BABAM2: variants seen among roughly 807,000 people sequenced by gnomAD.
BABAM2 encodes the protein BRISC and BRCA1-A complex member 2.
BABAM2 carries 31 observed loss-of-function variants against 54.7 expected under a neutral mutation model. The ratio of observed to expected loss-of-function variants is 0.57; its 90% CI spans 0.43 to 0.77. BABAM2 has a LOEUF of 0.77. BABAM2 is among the 30% of genes least tolerant of loss of function. BABAM2 has a pLI of 0.00. For synonymous variants in BABAM2, 167 were observed against 162.9 expected, an observed-to-expected ratio of 1.03 and a Z score of -0.19; for missense variants, 364 against 455.8, an observed-to-expected ratio of 0.80 and a Z score of 1.83.
chr2:28,189,199 C>CA (rs78120565), intron 7 of BABAM2, among the ~76,000 whole-genome samples: 4,277 of 136,394 alleles, frequency 0.031, 95 homozygotes, highest in African/African-American at 0.061. Context: ...GACTCCCTCT[C>CA]AAAAAAAAAA....
intron 7 of BABAM2, among the ~76,000 whole-genome samples, chr2:28,203,883 C>T (rs978266288): frequency 2.0e-5 from 3 of 152,174 alleles, no homozygotes; most frequent in Admixed American, 2.0e-4. Flanking sequence ...CCAGATTGCC[C>T]TTCCGGAAAG....
At chr2:28,300,170 C>T (rs537266175) in intron 11 of BABAM2, among the ~76,000 whole-genome samples, 32 of 152,226 alleles carry the variant, frequency 2.1e-4, no homozygotes, top group Non-Finnish European at 4.3e-4. Flanking sequence ...GACTCCTGAC[C>T]TCAGGTGATC....
intron 6 of BABAM2, among the ~76,000 whole-genome samples, chr2:28,051,144 A>T (rs1677967806): frequency 2.0e-5 from 3 of 152,156 alleles, no homozygotes; most frequent in African/African-American, 7.2e-5. Context: ...TCTCAAAATG[A>T]GTAGTACTTA....
At chr2:27,929,496 G>C (rs555592229) in intron 2 of BABAM2, among the ~76,000 whole-genome samples, 1 of 152,314 alleles carries the variant, frequency 6.6e-6, no homozygotes, top group Admixed American at 6.5e-5. Flanking sequence ...TTATTTTACA[G>C]TTCTTGGCAT....
At chr2:27,931,845 GC>G (rs542601531) in intron 3 of BABAM2, among the ~76,000 whole-genome samples, 67 of 152,056 alleles carry the variant, frequency 4.4e-4, no homozygotes, top group Admixed American at 7.9e-4. Flanking sequence ...ATTAGCCCCT[GC>G]CCTTCCTTCA....
intron 6 of BABAM2, among the ~76,000 whole-genome samples, chr2:28,068,283 A>G (rs1322026071): frequency 6.6e-6 from 1 of 152,180 alleles, no homozygotes; most frequent in Non-Finnish European, 1.5e-5. Flanking sequence ...TTTACAACCT[A>G]CATATGTAGC....
intron 11 of BABAM2, among the ~76,000 whole-genome samples, chr2:28,311,254 C>G (rs1282041597): frequency 8.0e-6 from 1 of 125,774 alleles, no homozygotes; most frequent in Admixed American, 8.7e-5. Flanking sequence ...GAATGAGACC[C>G]TGTCTCAAAA....
At chr2:28,139,743 G>A (rs1670882501) in intron 7 of BABAM2, among the ~76,000 whole-genome samples, 1 of 152,198 alleles carries the variant, frequency 6.6e-6, no homozygotes, top group Non-Finnish European at 1.5e-5. Flanking sequence ...TGCTCTGAAT[G>A]ACATACTAGA....
chr2:28,338,621 T>C lies in BABAM2; in HGVS notation c.*108T>C. 1 of 1,355,674 alleles carries C rather than the reference T, an allele frequency of 7.4e-7. No homozygotes were observed. Among genetic ancestry groups the C allele is most frequent in the Non-Finnish European group, 1.0e-6 (1 of 954,372 alleles). 84.0% of individuals were successfully genotyped at this position (1,355,674 alleles called of 1,614,324 possible). On this transcript the variant is annotated 3_prime_UTR_variant, in exon 12 of 12. Coordinates refer to ENST00000379624, the MANE Select transcript of BABAM2 (RefSeq NM_199191.3). ...CTGGAATGTCTTCACGGCAGCGTTT[T>C]GCTCACACAGCAGCTTTTGCACGCC...
At chr2:28,084,311 C>T (rs976705783) in intron 6 of BABAM2, among the ~76,000 whole-genome samples, 3 of 151,990 alleles carry the variant, frequency 2.0e-5, no homozygotes, top group Non-Finnish European at 4.4e-5. Context: ...GGAGAGGTGT[C>T]GTTTGGTGAG....
At chr2:27,890,020 T>C (rs1460206522), upstream of BABAM2, 6 of 460,828 alleles carry the variant, frequency 1.3e-5, no homozygotes, top group African/African-American at 2.0e-5. This position sits in a 1 kb window ranked among gnomAD's most constrained non-coding sequence, Gnocchi z 4.8. Flanking sequence ...TTGAGTAATA[T>C]TAGAGCTTTC....
chr2:28,214,903 G>C (rs1329663325), intron 7 of BABAM2, among the ~76,000 whole-genome samples: 1 of 151,852 alleles, frequency 6.6e-6, no homozygotes, highest in Admixed American at 6.6e-5. Flanking sequence ...CTCCTTGCAG[G>C]CCCCATATTG....
At chr2:27,961,833 T>C (rs1670494821) in intron 3 of BABAM2, among the ~76,000 whole-genome samples, 1 of 149,352 alleles carries the variant, frequency 6.7e-6, no homozygotes, top group South Asian at 2.2e-4. Flanking sequence ...GCTCAAGTGA[T>C]CCTCCCATCT....
At chr2:28,153,004 C>G (rs1460845313) in intron 7 of BABAM2, among the ~76,000 whole-genome samples, 2 of 152,154 alleles carry the variant, frequency 1.3e-5, no homozygotes, top group Non-Finnish European at 2.9e-5. Flanking sequence ...TCTCTTGTAT[C>G]CCTATTTGTC....
intron 4 of BABAM2, among the ~76,000 whole-genome samples, chr2:28,009,785 A>G (rs1398620035): frequency 6.6e-6 from 1 of 152,146 alleles, no homozygotes; most frequent in African/African-American, 2.4e-5. Context: ...GGCAGTCACC[A>G]TGGCTGCCTT....
chr2:28,240,287 A>G (rs1362904896), intron 8 of BABAM2, among the ~76,000 whole-genome samples: 2 of 151,684 alleles, frequency 1.3e-5, no homozygotes, highest in Admixed American at 6.6e-5. Flanking sequence ...TACCCAGCTA[A>G]TATTTCTTTT....
At chr2:28,057,218 TA>T (rs1678499237) in intron 6 of BABAM2, among the ~76,000 whole-genome samples, 1 of 152,212 alleles carries the variant, frequency 6.6e-6, no homozygotes. Flanking sequence ...GGTCAGTGTT[TA>T]TTAAGACTCT....
chr2:28,087,291 A>G (rs1665738943), intron 6 of BABAM2, among the ~76,000 whole-genome samples: 1 of 152,148 alleles, frequency 6.6e-6, no homozygotes, highest in African/African-American at 2.4e-5. Context: ...TGTAGGTCCC[A>G]TTTTTACCAC....
rs142323494 is a variant in BABAM2 at position 27,958,605 on chromosome 2, T to C, written c.205+28697T>C. On this transcript the variant is annotated intron_variant, in intron 3 of 11. Transcript: ENST00000379624. ...ATATTTAGTTTTTTTTTAATTTTTA[T>C]TTTTTATGAAGTTGAAGTAGAGCTC... 7.2e-5 allele frequency among the ~76,000 whole-genome samples: 11 copies of C among 151,980 alleles called. No individual in the cohort carries two copies. The East Asian group carries it at 2.1e-3, about 29-fold the overall frequency.
Sources: allele counts gnomAD v4.1 joint callset (sites outside exome capture counted in the v4.1 genomes callset), GRCh38; gene constraint gnomAD v4.1.1; non-coding constraint Gnocchi (gnomAD v3.1); transcripts MANE v1.5; gene names NCBI Gene and HGNC (gene_info 2026-07-23, HGNC 2026-07-21).